SGTA: variants seen among roughly 807,000 people sequenced by gnomAD.
The protein encoded by SGTA is small glutamine-rich tetratricopeptide repeat-containing protein alpha.
In SGTA, 22 loss-of-function variants were observed where a neutral mutation model predicts 44.3. That is an observed-to-expected ratio of 0.50 (90% CI 0.36 to 0.71). The LOEUF is 0.71. SGTA is among the 30% of genes least tolerant of loss of function. The pLI, the probability that SGTA is intolerant of heterozygous loss-of-function variation, is 0.00. For missense variants in SGTA, 341 were observed against 435.9 expected (o/e 0.78, Z 1.94); for synonymous variants, 174 against 177.6 (o/e 0.98, Z 0.16).
At chr19:2,780,387 C>T (rs1309527441) in intron 1 of SGTA, among the ~76,000 whole-genome samples, 2 of 152,136 alleles carry the variant, frequency 1.3e-5, no homozygotes, top group African/African-American at 4.8e-5. Flanking sequence ...ACATCGAAGC[C>T]TACTTCCTTC....
rs547689514 is a variant in SGTA, at chr19:2,770,052, C to G, written c.-23-961G>C. 3.8e-5 allele frequency: 5 copies of G among 131,904 alleles called. No homozygotes were observed. In the East Asian group the frequency reaches 1.2e-3, roughly 33 times the overall value. The allele number at this position is 131,904 out of a possible 1,614,324, so 8.2% of individuals were successfully genotyped here. On this transcript the variant is annotated intron_variant, in intron 1 of 11. Coordinates refer to ENST00000221566, the MANE Select transcript of SGTA (RefSeq NM_003021.4). ...CACCCGCCTGTGCCCCCCTCGGACA[C>G]CCGCCTGGTTCCCCCCCGGATACCC... is the stretch of plus-strand genomic sequence containing the variant.
intron 1 of SGTA, among the ~76,000 whole-genome samples, chr19:2,780,757 G>A (rs1915554988): frequency 6.6e-6 from 1 of 152,166 alleles, no homozygotes; most frequent in African/African-American, 2.4e-5. Flanking sequence ...CCTTGGGGAG[G>A]CCATTTCTCT....
intron 8 of SGTA, 166 bp from the exon 9 acceptor site, chr19:2,759,460 C>A: frequency 4.7e-6 from 3 of 631,738 alleles, no homozygotes; most frequent in South Asian, 1.9e-5. Context: ...ACATTTTCGC[C>A]CCCCCACCCA....
intron 8 of SGTA, among the ~76,000 whole-genome samples, chr19:2,760,010 T>G (rs1914938880): frequency 6.6e-6 from 1 of 152,076 alleles, no homozygotes; most frequent in African/African-American, 2.4e-5. Flanking sequence ...TACTGGGCAC[T>G]TTCTCATGTT....
chr19:2,781,880 C>T (rs539344618), intron 1 of SGTA, among the ~76,000 whole-genome samples: 17 of 147,310 alleles, frequency 1.2e-4, no homozygotes, highest in African/African-American at 4.1e-4. Context: ...CTCGCTCTGT[C>T]GCCCAGGCTG....
chr19:2,771,575 C>CGGGGGGGGGGGG (rs5741784), intron 1 of SGTA, among the ~76,000 whole-genome samples: 2 of 109,278 alleles, frequency 1.8e-5, no homozygotes, highest in African/African-American at 3.8e-5. Flanking sequence ...ACCTCCCCAT[C>CGGGGGGGGGGGG]GGGGGGGGGG....
Position 2,761,608 on chromosome 19 carries a change from C to T in SGTA, c.637-86G>A, listed in dbSNP as rs867485213. Reference sequence around the variant, plus strand: ...CCTGGAACTCAGAAACAACGGCCCCCCACGGGGCTCAGACATTCTATCAAC... The same window carrying T: ...CCTGGAACTCAGAAACAACGGCCCCTCACGGGGCTCAGACATTCTATCAAC... On this transcript the variant is annotated intron_variant, in intron 7 of 11. Coordinates refer to ENST00000221566, the MANE Select transcript of SGTA (RefSeq NM_003021.4). This position sits in a 1 kb window ranked among gnomAD's most constrained non-coding sequence, Gnocchi z 5.7. The T allele has an allele frequency of 9.0e-7, 1 of 1,106,668 alleles. No individual in the cohort carries two copies. The highest frequency in any genetic ancestry group is 1.3e-6 in the Non-Finnish European group (1 of 748,964). The allele number at this position is 1,106,668 out of a possible 1,614,324, so 68.6% of individuals were successfully genotyped here.
In SGTA at chr19:2,767,586, C is replaced by T. The variant is rs139271519; in HGVS notation, c.201G>A (p.Thr67=). Residue 67 remains threonine (T), a synonymous_variant, in exon 3 of 12, where the codon ACG becomes ACA. Transcript: ENST00000221566. This position sits in a 1 kb window ranked among gnomAD's most constrained non-coding sequence, Gnocchi z 7.3. ...TLPEIFEAAA[T]GKEMPQDLRS... ...GGGAAGCATCGAGGCTCACCTTGCCCGTGGCAGCCGCTTCAAATATCTCCG... is the reference window on the plus strand; with the variant it reads ...GGGAAGCATCGAGGCTCACCTTGCCTGTGGCAGCCGCTTCAAATATCTCCG... The T allele has an allele frequency of 3.5e-5, 56 of 1,612,464 alleles. No individual in the cohort carries two copies. In the African/African-American group the frequency reaches 4.4e-4, roughly 13 times the overall value.
chr19:2,759,609 G>A (rs563148751), intron 8 of SGTA: 50 of 368,822 alleles, frequency 1.4e-4, no homozygotes, highest in Middle Eastern at 7.8e-4. Flanking sequence ...TATTTTAGCT[G>A]CTGTCTGCTT....
Position 2,767,480 on chromosome 19 carries a change from G to A in SGTA, c.207+100C>T. Reference sequence around the variant, plus strand: ...GCCCAGGAGAGGATGCAGGCAGAGTGCTGGGGGACGATGAGAGCGGGGCTC... The same window carrying A: ...GCCCAGGAGAGGATGCAGGCAGAGTACTGGGGGACGATGAGAGCGGGGCTC... On this transcript the variant is annotated intron_variant, in intron 3 of 11. Coordinates refer to ENST00000221566, the MANE Select transcript of SGTA (RefSeq NM_003021.4). The surrounding 1 kb of genome is among the most constrained non-coding windows in gnomAD (Gnocchi z 7.3). The A allele has an allele frequency of 3.0e-6, 3 of 997,424 alleles. No individual in the cohort carries two copies. In the South Asian group the frequency reaches 4.1e-5, roughly 14 times the overall value. The allele number at this position is 997,424 out of a possible 1,614,324, so 61.8% of individuals were successfully genotyped here.
At position 2,761,042 on chromosome 19, in the gene SGTA, C is replaced by T. The variant is rs1037082753; in HGVS notation, c.699+418G>A. On this transcript the variant is annotated intron_variant, in intron 8 of 11. Coordinates refer to ENST00000221566, the MANE Select transcript of SGTA (RefSeq NM_003021.4). This position sits in a 1 kb window ranked among gnomAD's most constrained non-coding sequence, Gnocchi z 5.7. ...GTCCACCTGCGCCCGGCGCACCCGG[C>T]GCTCTGCTTCCCTTGCCTGAACCTT... Among the ~76,000 whole-genome samples, 1 of 152,222 alleles carries T rather than the reference C, an allele frequency of 6.6e-6. No individual in the cohort carries two copies. Among genetic ancestry groups the T allele is most frequent in the East Asian group, 1.9e-4 (1 of 5,186 alleles).
intron 10 of SGTA, 93 bp from the exon 11 acceptor site, chr19:2,757,550 A>T (rs573243742): frequency 6.5e-7 from 1 of 1,528,354 alleles, no homozygotes. Flanking sequence ...CCTCCACCCC[A>T]AAGACAGGCC....
rs1390419260 is a variant in SGTA at position 2,761,561 on chromosome 19, C to G, written c.637-39G>C. The G allele has an allele frequency of 5.3e-6, 8 of 1,511,208 alleles. No individual in the cohort carries two copies. Among genetic ancestry groups the G allele is most frequent in the East Asian group, 2.5e-5 (1 of 40,716 alleles). 93.6% of individuals were successfully genotyped at this position (1,511,208 alleles called of 1,614,324 possible). On this transcript the variant is annotated intron_variant, in intron 7 of 11. Coordinates refer to ENST00000221566, the MANE Select transcript of SGTA (RefSeq NM_003021.4). This position sits in a 1 kb window ranked among gnomAD's most constrained non-coding sequence, Gnocchi z 5.7. ...CAGCCCTGGTTAGTGGGGCCTGGAC[C>G]AGAGGCCACGGTGAATAACCCCCTG...
At chr19:2,776,508 G>A (rs773603408) in intron 1 of SGTA, among the ~76,000 whole-genome samples, 4 of 152,180 alleles carry the variant, frequency 2.6e-5, no homozygotes, top group African/African-American at 9.6e-5. Flanking sequence ...GATTCACAGA[G>A]ACCAAAAGTG....
chr19:2,755,762 T>C lies in SGTA; in HGVS notation c.*178A>G. On this transcript the variant is annotated 3_prime_UTR_variant, in exon 12 of 12. Coordinates refer to ENST00000221566, the MANE Select transcript of SGTA (RefSeq NM_003021.4). This position sits in a 1 kb window ranked among gnomAD's most constrained non-coding sequence, Gnocchi z 5.2. ...AAGGGTCTGGGGGCTGTAAGGGAGT[T>C]ACAAAAAGGGAGTGGAGGAGGGCAG... is the stretch of plus-strand genomic sequence containing the variant. 1.0e-6 allele frequency: 1 copy of C among 985,338 alleles called. No homozygotes were observed. Among genetic ancestry groups the C allele is most frequent in the Non-Finnish European group, 1.2e-6 (1 of 829,968 alleles). The allele number at this position is 985,338 out of a possible 1,614,324, so 61.0% of individuals were successfully genotyped here.
chr19:2,778,503 C>A (rs566876890), intron 1 of SGTA, among the ~76,000 whole-genome samples: 316 of 152,146 alleles, frequency 2.1e-3, no homozygotes, highest in South Asian at 4.4e-3. Flanking sequence ...CACCGCCCCC[C>A]CCGGCCCCCG....
chr19:2,764,466 C>T (rs902842407), intron 5 of SGTA, among the ~76,000 whole-genome samples: 2 of 152,234 alleles, frequency 1.3e-5, no homozygotes, highest in African/African-American at 4.8e-5. Context: ...GACACGATCT[C>T]AGCTCACTGC....
At chr19:2,766,073 G>A (rs563583454) in intron 4 of SGTA, among the ~76,000 whole-genome samples, 11 of 152,244 alleles carry the variant, frequency 7.2e-5, no homozygotes, top group African/African-American at 1.4e-4. Context: ...AAAATTAGCC[G>A]GGCGTGGTGG....
At chr19:2,756,097 C>T (rs906675912) in intron 11 of SGTA, among the ~76,000 whole-genome samples, 164 bp from the exon 12 acceptor site, 8 of 152,100 alleles carry the variant, frequency 5.3e-5, no homozygotes, top group East Asian at 1.9e-4. Context: ...TCCACACACT[C>T]GGGGCCACGT....
Sources: gnomAD v4.1 joint callset for allele counts (sites outside exome capture counted in the v4.1 genomes callset) on GRCh38, gnomAD v4.1.1 for gene constraint, Gnocchi (gnomAD v3.1) non-coding constraint, MANE v1.5 for transcripts, NCBI Gene and HGNC (gene_info 2026-07-23, HGNC 2026-07-21) for gene names.